Variants in BCAT1 observed in about 807,000 individuals in gnomAD.
The protein encoded by BCAT1 is branched chain amino acid transaminase 1, also known as branched-chain-amino-acid aminotransferase, cytosolic.
A neutral mutation model predicts 52.4 loss-of-function variants in BCAT1; 48 were observed. That is an observed-to-expected ratio of 0.92 (90% CI 0.73 to 1.16). BCAT1 has a LOEUF of 1.16. BCAT1 is among the 50% of genes most tolerant of loss of function. BCAT1 has a pLI of 0.00. For synonymous variants in BCAT1, 167 were observed against 161.3 expected (o/e 1.04, Z -0.27); for missense variants, 451 against 457.1 (o/e 0.99, Z 0.12).
At chr12:24,902,741 TC>T in intron 1 of BCAT1, 1 of 758,294 alleles carries the variant, frequency 1.3e-6, no homozygotes, top group Non-Finnish European at 2.0e-6. Flanking sequence ...AGCGGGAACC[TC>T]GAAGAGGTGG....
chr12:24,924,776 G>A (rs947859485), intron 1 of BCAT1, among the ~76,000 whole-genome samples: 22 of 152,100 alleles, frequency 1.4e-4, no homozygotes, highest in African/African-American at 5.3e-4. Context: ...AATTATATAT[G>A]AACCAGATAT....
intron 5 of BCAT1, among the ~76,000 whole-genome samples, chr12:24,853,594 A>ACAT (rs1407304323): frequency 6.6e-6 from 1 of 152,192 alleles, no homozygotes; most frequent in South Asian, 2.1e-4. Flanking sequence ...CCTGACTCTC[A>ACAT]CATAAATTTT....
intron 5 of BCAT1, among the ~76,000 whole-genome samples, chr12:24,865,744 CGTT>C (rs747724649): frequency 2.6e-5 from 4 of 151,946 alleles, no homozygotes; most frequent in African/African-American, 4.8e-5. Context: ...ACATTATAAC[CGTT>C]GTTATCAACA....
chr12:24,836,403 G>A (rs968197234), intron 8 of BCAT1, 108 bp downstream of exon 8: 4 of 918,870 alleles, frequency 4.4e-6, no homozygotes, highest in Non-Finnish European at 6.7e-6. Context: ...TTAAAGATTA[G>A]ATAACATTGG....
intron 6 of BCAT1, among the ~76,000 whole-genome samples, chr12:24,849,454 A>C (rs1367461497): frequency 4.6e-5 from 7 of 152,222 alleles, no homozygotes; most frequent in Non-Finnish European, 4.4e-5. Flanking sequence ...GCCCAGGGGA[A>C]GTTTATCCAA....
Position 24,894,412 on chromosome 12 carries a change from C to A in BCAT1, c.142G>T (p.Val48Phe), listed in dbSNP as rs771248510. ...LKEKPDPNNL[V>F]FGTVFTDHML... Reference sequence around the variant, plus strand: ...TGATCCGTGAACACAGTTCCAAAAACCAGATTATTGGGGTCTGGTTTTTCC... The same window carrying A: ...TGATCCGTGAACACAGTTCCAAAAAACAGATTATTGGGGTCTGGTTTTTCC... The change falls in exon 3 of 11, where the codon GTT (valine) becomes TTT (phenylalanine). Residue 48 changes from valine (V) to phenylalanine (F), a missense_variant. Physicochemically the swap from Val to Phe is conservative, Grantham distance 50. Transcript: ENST00000261192. The A allele has an allele frequency of 5.0e-6, 8 of 1,612,070 alleles. No homozygotes were observed. The highest frequency in any genetic ancestry group is 6.8e-6 in the Non-Finnish European group (8 of 1,179,012).
At chr12:24,889,801 G>A (rs1471287399) in intron 3 of BCAT1, among the ~76,000 whole-genome samples, 2 of 152,072 alleles carry the variant, frequency 1.3e-5, no homozygotes, top group East Asian at 3.9e-4. Flanking sequence ...ACCACCCTAG[G>A]CTACATAGCA....
chr12:24,847,560 A>C (rs1004714218), intron 6 of BCAT1, among the ~76,000 whole-genome samples: 3 of 152,212 alleles, frequency 2.0e-5, no homozygotes, highest in African/African-American at 7.2e-5. Context: ...AAACTAAGAG[A>C]GATAATTTGT....
chr12:24,834,789 A>G, intron 8 of BCAT1: 1 of 1,168,718 alleles, frequency 8.6e-7, no homozygotes, highest in Non-Finnish European at 1.1e-6. Context: ...TTAATTGAAA[A>G]CAAGCTGAGT....
intron 5 of BCAT1, among the ~76,000 whole-genome samples, chr12:24,875,284 T>C (rs1045874975): frequency 1.3e-5 from 2 of 152,220 alleles, no homozygotes; most frequent in Non-Finnish European, 2.9e-5. Flanking sequence ...TTTAAATCCA[T>C]ATACATTATT....
At position 24,812,155 on chromosome 12, in the gene BCAT1, C is replaced by T. The variant is rs1041710158; in HGVS notation, c.*5853G>A. ...ACAAATTGAGGCAGAAATTTACATT[C>T]CTTTCTTAACCCTGAGAATGAGTTT... is the stretch of plus-strand genomic sequence containing the variant. On this transcript the variant is annotated 3_prime_UTR_variant, in exon 11 of 11. Coordinates refer to ENST00000261192, the MANE Select transcript of BCAT1 (RefSeq NM_005504.7). The T allele has an allele frequency of 9.9e-5, 15 of 152,206 alleles. No homozygotes were observed. The highest frequency in any genetic ancestry group is 3.1e-4 in the African/African-American group (13 of 41,560). The allele number at this position is 152,206 out of a possible 1,614,324, so 9.4% of individuals were successfully genotyped here.
intron 3 of BCAT1, among the ~76,000 whole-genome samples, chr12:24,882,398 G>T (rs570778667): frequency 2.6e-5 from 4 of 152,158 alleles, no homozygotes; most frequent in African/African-American, 7.2e-5. Context: ...GGGAAAAAAA[G>T]AAATACAAAT....
Position 24,934,752 on chromosome 12 carries a change from C to T in BCAT1, c.6+14175G>A, listed in dbSNP as rs1943727861. 2.6e-5 allele frequency among the ~76,000 whole-genome samples: 4 copies of T among 152,242 alleles called. No individual in the cohort carries two copies. The South Asian group carries it at 8.3e-4, about 32-fold the overall frequency. On this transcript the variant is annotated intron_variant, in intron 1 of 10. Coordinates refer to ENST00000261192, the MANE Select transcript of BCAT1 (RefSeq NM_005504.7). ...ATTTTTAGTAGAGACAGGGTTTCAC[C>T]ATATTGGCCAGGCTGGTCTCGAACT... is the stretch of plus-strand genomic sequence containing the variant.
intron 9 of BCAT1, among the ~76,000 whole-genome samples, chr12:24,831,173 C>A (rs1940649884): frequency 6.6e-6 from 1 of 152,204 alleles, no homozygotes; most frequent in Middle Eastern, 3.2e-3. Flanking sequence ...TGATGATCCA[C>A]TTCCATGTAA....
rs1459920226 is a variant in BCAT1 at position 24,812,680 on chromosome 12, G to T, written c.*5328C>A. The T allele has an allele frequency of 6.6e-6, 1 of 151,836 alleles. No individual in the cohort carries two copies. The highest frequency in any genetic ancestry group is 1.5e-5 in the Non-Finnish European group (1 of 67,806). The allele number at this position is 151,836 out of a possible 1,614,324, so 9.4% of individuals were successfully genotyped here. On this transcript the variant is annotated 3_prime_UTR_variant, in exon 11 of 11. Coordinates refer to ENST00000261192, the MANE Select transcript of BCAT1 (RefSeq NM_005504.7). ...TTTGGATAACACAAAAATATGTTTT[G>T]TTTTTTTCCCCTCCTCTATCATTCC...
At chr12:24,825,561 C>T (rs961396962) in intron 10 of BCAT1, among the ~76,000 whole-genome samples, 8 of 151,490 alleles carry the variant, frequency 5.3e-5, no homozygotes, top group Non-Finnish European at 7.4e-5. Context: ...AGTGATGTTG[C>T]GCATTTTTTC....
Position 24,831,274 on chromosome 12 carries a change from T to A in BCAT1, c.1045-1377A>T, listed in dbSNP as rs141533004. On this transcript the variant is annotated intron_variant, in intron 9 of 10. Transcript: ENST00000261192. The stretch of plus-strand genomic sequence containing the variant: ...TATAACATACATAACATACAAAATA[T>A]GTGCCAATCGACTGTTTTTGTTGTT... 3.7e-4 allele frequency among the ~76,000 whole-genome samples: 57 copies of A among 152,334 alleles called. 1 individual carries two copies. Among genetic ancestry groups the A allele is most frequent in the African/African-American group, 1.3e-3 (55 of 41,558 alleles).
chr12:24,856,896 A>C (rs768847793), intron 5 of BCAT1, among the ~76,000 whole-genome samples: 7 of 152,206 alleles, frequency 4.6e-5, no homozygotes, highest in Non-Finnish European at 8.8e-5. Context: ...TATGTCCTTG[A>C]AAGCTTGACC....
At chr12:24,908,235 TAC>T (rs1943257641) in intron 1 of BCAT1, among the ~76,000 whole-genome samples, 1 of 152,176 alleles carries the variant, frequency 6.6e-6, no homozygotes, top group African/African-American at 2.4e-5. Flanking sequence ...TCTTCCCTTG[TAC>T]AGTCATAATA....
Sources: gnomAD v4.1 joint callset for allele counts (sites outside exome capture counted in the v4.1 genomes callset) on GRCh38, gnomAD v4.1.1 for gene constraint, MANE v1.5 for transcripts, NCBI Gene and HGNC (gene_info 2026-07-23, HGNC 2026-07-21) for gene names.